ASB15: variants seen among roughly 807,000 people sequenced by gnomAD.
ASB15 encodes ankyrin repeat and SOCS box protein 15.
In ASB15, 54 loss-of-function variants were observed where a neutral mutation model predicts 58.0. That is an observed-to-expected ratio of 0.93 (90% CI 0.75 to 1.17). ASB15 has a LOEUF of 1.17. Among genes scored for constraint, ASB15 ranks in the 50% most tolerant of loss-of-function variants. The pLI is 0.00. For synonymous variants in ASB15, 249 were observed against 262.4 expected, an observed-to-expected ratio of 0.95 and a Z score of 0.50; for missense variants, 680 against 707.4, an observed-to-expected ratio of 0.96 and a Z score of 0.44.
chr7:123,612,866 C>T (rs766463326), intron 3 of ASB15, among the ~76,000 whole-genome samples: 3 of 152,102 alleles, frequency 2.0e-5, no homozygotes, highest in African/African-American at 7.2e-5. Flanking sequence ...AGACTAATTC[C>T]CTGCTTTTAC....
In ASB15 at chr7:123,638,671, C is replaced by G. The variant is rs1802527963; in HGVS notation, c.*1690C>G. 1 of 152,152 alleles carries G rather than the reference C, an allele frequency of 6.6e-6. No individual in the cohort carries two copies. The highest frequency in any genetic ancestry group is 1.5e-5 in the Non-Finnish European group (1 of 68,032). 9.4% of individuals were successfully genotyped at this position (152,152 alleles called of 1,614,324 possible). ...CCTCTGCTGTAGAATAGACCATGCT[C>G]TCTTTTAACCTCAGGGTCTTCGCAT... On this transcript the variant is annotated 3_prime_UTR_variant, in exon 12 of 12. Coordinates refer to ENST00000451215, the MANE Select transcript of ASB15 (RefSeq NM_001290258.2).
Position 123,637,877 on chromosome 7 carries a change from C to CAAAAAAAAAAAAAAAAAAAAAAAA in ASB15, c.*896_*897insAAAAAAAAAAAAAAAAAAAAAAAA, listed in dbSNP as rs1459949582. 1.6e-4 allele frequency: 3 copies of CAAAAAAAAAAAAAAAAAAAAAAAA among 19,122 alleles called. No individual in the cohort carries two copies. Among genetic ancestry groups the CAAAAAAAAAAAAAAAAAAAAAAAA allele is most frequent in the South Asian group, 2.9e-3 (1 of 340 alleles). 1.2% of individuals were successfully genotyped at this position (19,122 alleles called of 1,614,324 possible). A position where few individuals can be genotyped will look rare whatever the true frequency, so the allele number is the denominator to read the frequency against. The stretch of plus-strand genomic sequence containing the variant: ...CAAATTCAACATGTCCCCAGATGAA[C>CAAAAAAAAAAAAAAAAAAAAAAAA]TAAAAAAAAAAAAAAAAAAAAAACC... On this transcript the variant is annotated 3_prime_UTR_variant, in exon 12 of 12. Coordinates refer to ENST00000451215, the MANE Select transcript of ASB15 (RefSeq NM_001290258.2).
chr7:123,567,077 A>G (rs1170285405), exon 1 of ASB15: 5 of 152,240 alleles, frequency 3.3e-5, no homozygotes, highest in Admixed American at 3.3e-4. Flanking sequence ...GAGCTATTTG[A>G]TCCTGACTAA....
At chr7:123,578,332 T>G (rs781301813) in intron 1 of ASB15, among the ~76,000 whole-genome samples, 22 of 151,818 alleles carry the variant, frequency 1.4e-4, no homozygotes, top group Non-Finnish European at 2.2e-4. Flanking sequence ...ACCAGCAGTA[T>G]TCCTGTGACT....
intron 1 of ASB15, among the ~76,000 whole-genome samples, chr7:123,588,490 C>A (rs1166470076): frequency 6.6e-6 from 1 of 151,256 alleles, no homozygotes; most frequent in African/African-American, 2.4e-5. Flanking sequence ...TTTGTCTTAT[C>A]TCTATTTCAT....
At chr7:123,630,333 A>T (rs76871231) in intron 11 of ASB15, among the ~76,000 whole-genome samples, 18,703 of 152,170 alleles carry the variant, frequency 0.12, 1,308 homozygotes, top group Admixed American at 0.19. Context: ...AATGAGTAAT[A>T]CTACAGCTAT....
At chr7:123,571,691 G>T (rs1222574047) in intron 1 of ASB15, among the ~76,000 whole-genome samples, 1 of 152,182 alleles carries the variant, frequency 6.6e-6, no homozygotes, top group Non-Finnish European at 1.5e-5. Context: ...ATGTAAAAGA[G>T]ATGTTGTTTC....
chr7:123,618,561 T>C (rs146698274), intron 7 of ASB15, among the ~76,000 whole-genome samples: 2 of 152,012 alleles, frequency 1.3e-5, no homozygotes, highest in African/African-American at 4.8e-5. Flanking sequence ...CATTAATAGA[T>C]GTTCAAGAGG....
At chr7:123,620,507 C>CATAT (rs1395766241) in intron 7 of ASB15, among the ~76,000 whole-genome samples, 299 of 29,530 alleles carry the variant, frequency 0.01, 1 homozygote, top group Non-Finnish European at 0.012. Context: ...CATATACATA[C>CATAT]ATATATATAT....
chr7:123,594,009 C>T, intron 1 of ASB15, among the ~76,000 whole-genome samples: 1 of 152,042 alleles, frequency 6.6e-6, no homozygotes, highest in East Asian at 1.9e-4. Flanking sequence ...ATCTTGTCTT[C>T]TCGCTTTATT....
At chr7:123,632,219 AACAAT>A in intron 11 of ASB15, among the ~76,000 whole-genome samples, 1 of 152,158 alleles carries the variant, frequency 6.6e-6, no homozygotes, top group East Asian at 1.9e-4. Context: ...GATATGAAAG[AACAAT>A]ACGAGTCAAA....
At position 123,627,369 on chromosome 7, in the gene ASB15, T is replaced by C. The variant is rs182840899; in HGVS notation, c.869+88T>C. 235 of 1,067,160 alleles carry C rather than the reference T, an allele frequency of 2.2e-4. No homozygotes were observed. In the African/African-American group the frequency reaches 3.2e-3, roughly 15 times the overall value. The allele number at this position is 1,067,160 out of a possible 1,614,324, so 66.1% of individuals were successfully genotyped here. A position where few individuals can be genotyped will look rare whatever the true frequency, so the allele number is the denominator to read the frequency against. On this transcript the variant is annotated intron_variant, in intron 9 of 11. Transcript: ENST00000451215. ...ATCACAAGTCTATATGTAATACCTT[T>C]CAAAATCCAAGGAGAAATAGGCATA...
chr7:123,576,181 G>A (rs139729775), intron 1 of ASB15, among the ~76,000 whole-genome samples: 1 of 150,416 alleles, frequency 6.6e-6, no homozygotes, highest in East Asian at 2.0e-4. Flanking sequence ...TTATGGTCCT[G>A]TAATCCTTCA....
intron 7 of ASB15, 92 bp from the exon 8 acceptor site, chr7:123,624,477 C>T (rs149901686): frequency 1.4e-4 from 178 of 1,245,002 alleles, no homozygotes; most frequent in Middle Eastern, 8.2e-4. Flanking sequence ...TAGCTAGTAT[C>T]TATTTCAATA....
intron 8 of ASB15, among the ~76,000 whole-genome samples, chr7:123,625,936 G>T (rs1446919283): frequency 6.6e-6 from 1 of 152,184 alleles, no homozygotes; most frequent in Non-Finnish European, 1.5e-5. Context: ...ATCATTCACA[G>T]ATGTGGAGAT....
chr7:123,574,622 C>G (rs1055077128), intron 1 of ASB15, among the ~76,000 whole-genome samples: 3 of 152,172 alleles, frequency 2.0e-5, no homozygotes, highest in African/African-American at 7.2e-5. Context: ...ATCATATCTA[C>G]ATTCCCAAGT....
intron 1 of ASB15, among the ~76,000 whole-genome samples, chr7:123,588,901 C>T (rs1214153611): frequency 3.3e-5 from 5 of 151,074 alleles, no homozygotes; most frequent in African/African-American, 1.2e-4. Flanking sequence ...TTATTGGTTT[C>T]TTGTTCCATA....
At chr7:123,590,875 T>C (rs1215194606) in intron 1 of ASB15, among the ~76,000 whole-genome samples, 2 of 152,298 alleles carry the variant, frequency 1.3e-5, no homozygotes, top group South Asian at 2.1e-4. Context: ...ATTGAATCTA[T>C]AAATTACCTT....
upstream of ASB15, among the ~76,000 whole-genome samples, chr7:123,599,094 C>T (rs1799792125): frequency 6.6e-6 from 1 of 151,732 alleles, no homozygotes; most frequent in African/African-American, 2.4e-5. Context: ...AATCACTGAC[C>T]CCAAGGCCAA....
Sources: gnomAD v4.1 joint callset for allele counts (sites outside exome capture counted in the v4.1 genomes callset) on GRCh38, gnomAD v4.1.1 for gene constraint, MANE v1.5 for transcripts, NCBI Gene and HGNC (gene_info 2026-07-23, HGNC 2026-07-21) for gene names.